SGCZ: variants seen among roughly 807,000 people sequenced by gnomAD.
SGCZ encodes sarcoglycan zeta, also known as zeta-sarcoglycan.
Under a neutral mutation model 41.3 loss-of-function variants are expected in SGCZ, and 40 were observed. That is an observed-to-expected ratio of 0.97 (90% CI 0.75 to 1.26). The LOEUF (loss-of-function observed/expected upper bound fraction) is 1.26. SGCZ is among the 50% of genes most tolerant of loss of function. The probability of loss-of-function intolerance (pLI) is 0.00; values close to 1 mark genes in which losing one functional copy is unlikely to be tolerated. For synonymous variants in SGCZ, 206 were observed against 137.5 expected, an observed-to-expected ratio of 1.50 and a Z score of -3.49; for missense variants, 552 against 369.8, an observed-to-expected ratio of 1.49 and a Z score of -4.04.
At chr8:14,752,017 A>G (rs1215547889) in intron 1 of SGCZ, among the ~76,000 whole-genome samples, 3 of 151,908 alleles carry the variant, frequency 2.0e-5, no homozygotes, top group Non-Finnish European at 2.9e-5. Flanking sequence ...CATTGTTGCT[A>G]CAAAGAAAAG....
chr8:14,121,599 G>A (rs774925171), intron 5 of SGCZ, among the ~76,000 whole-genome samples: 1 of 151,916 alleles, frequency 6.6e-6, no homozygotes, highest in South Asian at 2.1e-4. Context: ...ATAGAAATCA[G>A]GCCTAACATC....
intron 1 of SGCZ, among the ~76,000 whole-genome samples, chr8:15,017,065 T>C (rs1382807614): frequency 6.6e-6 from 1 of 152,152 alleles, no homozygotes; most frequent in South Asian, 2.1e-4. Flanking sequence ...AGCATGAGAC[T>C]TGGAGGGGAC....
At chr8:15,099,116 G>C (rs1806504229) in intron 1 of SGCZ, among the ~76,000 whole-genome samples, 2 of 152,132 alleles carry the variant, frequency 1.3e-5, no homozygotes, top group Admixed American at 1.3e-4. Context: ...TTAAACCATG[G>C]TTTTTCAAAT....
At chr8:14,102,076 T>TTATATATATA (rs55667194) in intron 7 of SGCZ, among the ~76,000 whole-genome samples, 126 of 119,890 alleles carry the variant, frequency 1.1e-3, no homozygotes, top group African/African-American at 4.1e-3. Flanking sequence ...TTGGCTAACT[T>TTATATATATA]TATATATATA....
chr8:14,909,882 T>G lies in SGCZ; in HGVS notation c.39+327703A>C, dbSNP rs528226756. Among the ~76,000 whole-genome samples, 3 of 152,184 alleles carry G rather than the reference T, an allele frequency of 2.0e-5. 1 individual carries two copies. Among genetic ancestry groups the G allele is most frequent in the African/African-American group, 7.2e-5 (3 of 41,532 alleles). The stretch of plus-strand genomic sequence containing the variant: ...TTCTTTGACCAGTGTAGCTATATAG[T>G]GGAAACTCATATTTTGCACAGCATA... On this transcript the variant is annotated intron_variant, in intron 1 of 7. Transcript: ENST00000382080.
chr8:14,658,784 A>G (rs2117476764), intron 1 of SGCZ, among the ~76,000 whole-genome samples: 1 of 152,224 alleles, frequency 6.6e-6, no homozygotes, highest in Non-Finnish European at 1.5e-5. Context: ...TTTCCACAAG[A>G]GCAAGGATTT....
chr8:14,121,061 G>A (rs994691310), intron 5 of SGCZ, among the ~76,000 whole-genome samples: 1 of 152,102 alleles, frequency 6.6e-6, no homozygotes, highest in African/African-American at 2.4e-5. Context: ...CTAAGTCAAT[G>A]TGACTGTGAA....
intron 1 of SGCZ, among the ~76,000 whole-genome samples, chr8:14,821,418 A>T (rs1258223385): frequency 1.2e-4 from 18 of 152,096 alleles, no homozygotes; most frequent in Admixed American, 1.2e-3. Context: ...AATTATCCTT[A>T]AACTCTTCCA....
intron 1 of SGCZ, among the ~76,000 whole-genome samples, chr8:15,049,896 G>T (rs1804453044): frequency 6.6e-6 from 1 of 152,156 alleles, no homozygotes; most frequent in Non-Finnish European, 1.5e-5. Context: ...AGGTGACTTT[G>T]CTCCTCCTTC....
intron 1 of SGCZ, among the ~76,000 whole-genome samples, chr8:14,957,115 T>C (rs1800817871): frequency 6.6e-6 from 1 of 152,184 alleles, no homozygotes. Flanking sequence ...CTACATAACA[T>C]TGAACTTGAT....
intron 1 of SGCZ, among the ~76,000 whole-genome samples, chr8:15,087,826 A>G (rs1379250444): frequency 6.6e-6 from 1 of 152,158 alleles, no homozygotes. Flanking sequence ...CAAATAAGCT[A>G]TCATAATCTA....
chr8:14,826,028 G>A (rs1044043014), intron 1 of SGCZ, among the ~76,000 whole-genome samples: 1 of 151,596 alleles, frequency 6.6e-6, no homozygotes, highest in Non-Finnish European at 1.5e-5. Flanking sequence ...ATGTTGGTGT[G>A]CTGCACCCAT....
At chr8:15,186,605 C>T (rs1363869496) in intron 1 of SGCZ, among the ~76,000 whole-genome samples, 1 of 152,120 alleles carries the variant, frequency 6.6e-6, no homozygotes, top group Non-Finnish European at 1.5e-5. Context: ...AATTTATCTT[C>T]AAAAGATGGC....
chr8:14,489,671 C>T (rs1320023642), intron 2 of SGCZ, among the ~76,000 whole-genome samples: 1 of 151,206 alleles, frequency 6.6e-6, no homozygotes, highest in Non-Finnish European at 1.5e-5. Context: ...ATATTTCTTT[C>T]TTATATATTA....
chr8:14,441,489 C>T (rs570935479), intron 2 of SGCZ, among the ~76,000 whole-genome samples: 4 of 152,314 alleles, frequency 2.6e-5, no homozygotes, highest in Non-Finnish European at 5.9e-5. Flanking sequence ...GCAGGAACAT[C>T]ACTTGAACCT....
At chr8:14,278,907 C>T (rs1260046678) in intron 3 of SGCZ, among the ~76,000 whole-genome samples, 1 of 152,106 alleles carries the variant, frequency 6.6e-6, no homozygotes, top group Non-Finnish European at 1.5e-5. Context: ...GGTCAGCCCA[C>T]AAAATGCATG....
intron 1 of SGCZ, among the ~76,000 whole-genome samples, chr8:14,809,410 G>A (rs1035460471): frequency 2.6e-5 from 4 of 151,966 alleles, no homozygotes; most frequent in Admixed American, 2.0e-4. Flanking sequence ...TTGATAGAAG[G>A]ATATGAAATG....
chr8:14,328,572 C>A (rs541011582), intron 2 of SGCZ, among the ~76,000 whole-genome samples: 1 of 152,222 alleles, frequency 6.6e-6, no homozygotes, highest in East Asian at 1.9e-4. Flanking sequence ...ATAGTTTTAA[C>A]TATTATTAAC....
intron 2 of SGCZ, among the ~76,000 whole-genome samples, chr8:14,553,257 C>T (rs1352383384): frequency 6.6e-6 from 1 of 151,896 alleles, no homozygotes; most frequent in East Asian, 1.9e-4. Flanking sequence ...GTAAAGTGAG[C>T]CAACTCTTAG....
Sources: allele counts gnomAD v4.1 joint callset (sites outside exome capture counted in the v4.1 genomes callset), GRCh38; gene constraint gnomAD v4.1.1; transcripts MANE v1.5; gene names NCBI Gene and HGNC (gene_info 2026-07-23, HGNC 2026-07-21).